Variants in STK3 observed in about 807,000 individuals in gnomAD.
STK3 encodes serine/threonine kinase 3.
A neutral mutation model predicts 58.0 loss-of-function variants in STK3; 41 were observed. That is an observed-to-expected ratio of 0.71 (90% CI 0.55 to 0.92). The LOEUF (loss-of-function observed/expected upper bound fraction) is 0.92. Ranked by LOEUF, STK3 falls within the 40% of genes least tolerant of loss-of-function variation. STK3 has a pLI of 0.00. For synonymous variants in STK3, 170 were observed against 191.0 expected (o/e 0.89, Z 0.91); for missense variants, 479 against 602.7 (o/e 0.79, Z 2.15).
intron 6 of STK3, among the ~76,000 whole-genome samples, chr8:98,669,505 T>C (rs1563871039): frequency 6.6e-6 from 1 of 152,160 alleles, no homozygotes; most frequent in African/African-American, 2.4e-5. Context: ...AGTCAAAGAA[T>C]AAGAAGGCAG....
Position 98,463,423 on chromosome 8 carries a change from A to AAG in STK3, c.1318-7424_1318-7423insCT, listed in dbSNP as rs1416700901. 1.1e-4 allele frequency among the ~76,000 whole-genome samples: 16 copies of AAG among 152,240 alleles called. No homozygotes were observed. The South Asian group carries it at 3.3e-3, about 32-fold the overall frequency. ...TAAAAGATACGCAAATTAATAACTCAGTTACTAGCTCTTGTATAAAACAGG... is the reference window on the plus strand; with the variant it reads ...TAAAAGATACGCAAATTAATAACTCAAGGTTACTAGCTCTTGTATAAAACAGG... On this transcript the variant is annotated intron_variant, in intron 10 of 10. Transcript: ENST00000419617.
chr8:98,758,104 T>C (rs1397492902), intron 3 of STK3, among the ~76,000 whole-genome samples: 1 of 152,266 alleles, frequency 6.6e-6, no homozygotes, highest in Non-Finnish European at 1.5e-5. Flanking sequence ...ATTGCAGGTT[T>C]GATTCCAGAC....
downstream of STK3, among the ~76,000 whole-genome samples, chr8:98,450,799 T>C (rs1228673511): frequency 6.6e-6 from 1 of 152,152 alleles, no homozygotes; most frequent in Non-Finnish European, 1.5e-5. Flanking sequence ...CACTGAAATG[T>C]GAAAGAGGTA....
At chr8:98,670,904 C>T (rs1292621255) in intron 6 of STK3, among the ~76,000 whole-genome samples, 2 of 152,174 alleles carry the variant, frequency 1.3e-5, no homozygotes, top group African/African-American at 2.4e-5. Context: ...GGGACAAGAA[C>T]TCGGGACCCA....
intron 10 of STK3, among the ~76,000 whole-genome samples, chr8:98,518,801 C>T (rs1055118229): frequency 2.6e-5 from 4 of 152,042 alleles, no homozygotes; most frequent in African/African-American, 7.2e-5. Context: ...TTTCAAAGTG[C>T]AGGCTTCTCA....
intron 1 of STK3, among the ~76,000 whole-genome samples, chr8:98,892,268 T>C (rs1196392968): frequency 6.6e-6 from 1 of 152,176 alleles, no homozygotes. Context: ...CCTCTGACAG[T>C]ACATAGTTCA....
intron 1 of STK3, among the ~76,000 whole-genome samples, chr8:98,798,687 G>A (rs537587948): frequency 2.6e-5 from 4 of 152,284 alleles, no homozygotes; most frequent in Admixed American, 6.5e-5. Context: ...AAATTCAGGT[G>A]CTGAATCTAA....
chr8:98,613,352 C>T (rs1817348264), intron 6 of STK3, among the ~76,000 whole-genome samples: 1 of 151,900 alleles, frequency 6.6e-6, no homozygotes, highest in Non-Finnish European at 1.5e-5. Context: ...AAATCACAAA[C>T]TGACCAAAAA....
intron 3 of STK3, among the ~76,000 whole-genome samples, chr8:98,755,161 T>G (rs1280228322): frequency 6.6e-6 from 1 of 152,200 alleles, no homozygotes; most frequent in East Asian, 1.9e-4. Flanking sequence ...ATGGCCTCAC[T>G]AACTTTAACC....
intron 1 of STK3, among the ~76,000 whole-genome samples, chr8:98,784,217 G>A (rs1482155082): frequency 1.3e-5 from 2 of 152,222 alleles, no homozygotes; most frequent in Non-Finnish European, 2.9e-5. Context: ...GTGCATGCAA[G>A]TCAACCATTC....
chr8:98,718,410 T>G (rs1449557765), intron 4 of STK3, among the ~76,000 whole-genome samples: 1 of 152,216 alleles, frequency 6.6e-6, no homozygotes, highest in East Asian at 1.9e-4. Context: ...CAGTCTGGAT[T>G]ATCTGAAAAT....
intron 6 of STK3, among the ~76,000 whole-genome samples, chr8:98,604,292 T>C (rs1054946468): frequency 4.6e-5 from 7 of 152,230 alleles, no homozygotes; most frequent in Admixed American, 3.3e-4. Flanking sequence ...TTTGACTCCA[T>C]GTCCCACATC....
intron 8 of STK3, among the ~76,000 whole-genome samples, chr8:98,562,411 A>G (rs1180777273): frequency 3.9e-5 from 6 of 152,284 alleles, no homozygotes; most frequent in African/African-American, 1.4e-4. Flanking sequence ...GAAAAAAGCC[A>G]GTCTGAAAAG....
At chr8:98,540,983 A>T (rs1218758588) in intron 9 of STK3, among the ~76,000 whole-genome samples, 1 of 152,134 alleles carries the variant, frequency 6.6e-6, no homozygotes, top group Non-Finnish European at 1.5e-5. Context: ...AATAGCAGTG[A>T]GGGTTGATTT....
chr8:98,620,215 A>G (rs1440529083), intron 6 of STK3, among the ~76,000 whole-genome samples: 1 of 96,196 alleles, frequency 1.0e-5, no homozygotes, highest in African/African-American at 4.0e-5. Context: ...CTATCGCAAG[A>G]ACAAAAAACC....
At chr8:98,919,017 A>G (rs764398961) in intron 1 of STK3, among the ~76,000 whole-genome samples, 2 of 151,944 alleles carry the variant, frequency 1.3e-5, no homozygotes, top group African/African-American at 4.8e-5. Flanking sequence ...AACAGTGAGA[A>G]TGACACCTTG....
intron 4 of STK3, among the ~76,000 whole-genome samples, chr8:98,742,341 T>C (rs532387580): frequency 6.8e-6 from 1 of 147,274 alleles, no homozygotes; most frequent in South Asian, 2.1e-4. Flanking sequence ...AATAAAATAC[T>C]GGCAAAACGA....
chr8:98,728,670 G>A (rs1827960532), intron 4 of STK3, among the ~76,000 whole-genome samples: 1 of 152,144 alleles, frequency 6.6e-6, no homozygotes. Context: ...TATATATGGA[G>A]TTGTAAATCC....
At chr8:98,680,985 T>C (rs1001139788) in intron 6 of STK3, among the ~76,000 whole-genome samples, 14 of 149,856 alleles carry the variant, frequency 9.3e-5, no homozygotes, top group African/African-American at 2.9e-4. Context: ...ACCTTTCTTT[T>C]TTTTTTTTTT....
Sources: allele counts gnomAD v4.1 joint callset (sites outside exome capture counted in the v4.1 genomes callset), GRCh38; gene constraint gnomAD v4.1.1; transcripts MANE v1.5; gene names NCBI Gene and HGNC (gene_info 2026-07-23, HGNC 2026-07-21).